Variants in FYN observed in about 807,000 individuals in gnomAD.
FYN encodes the protein FYN proto-oncogene, Src family tyrosine kinase.
In FYN, 10 loss-of-function variants were observed where a neutral mutation model predicts 70.2. The observed-to-expected ratio is 0.14, with a 90% CI of 0.09 to 0.24. FYN has a LOEUF of 0.24. Among genes scored for constraint, FYN ranks in the 10% least tolerant of loss-of-function variants. The pLI, the probability that FYN is intolerant of heterozygous loss-of-function variation, is 1.00. For missense variants in FYN, 319 were observed against 673.1 expected (o/e 0.47, Z 5.82); for synonymous variants, 236 against 248.6 (o/e 0.95, Z 0.48).
chr6:111,674,109 C>T lies in FYN; in HGVS notation c.1405+390G>A, dbSNP rs539098843. ...TCAGTGCTACAGTGTAATCAAAAAGCAGTGGGGCTTTTCTCCTTCTCTTTC... is the reference window on the plus strand; with the variant it reads ...TCAGTGCTACAGTGTAATCAAAAAGTAGTGGGGCTTTTCTCCTTCTCTTTC... On this transcript the variant is annotated intron_variant, in intron 13 of 13. Coordinates refer to ENST00000354650, the MANE Select transcript of FYN (RefSeq NM_002037.5). 2.0e-4 allele frequency among the ~76,000 whole-genome samples: 31 copies of T among 152,288 alleles called. No individual in the cohort carries two copies. The South Asian group carries it at 6.0e-3, about 30-fold the overall frequency.
At chr6:111,742,078 G>A (rs555975436) in intron 3 of FYN, among the ~76,000 whole-genome samples, 1 of 152,238 alleles carries the variant, frequency 6.6e-6, no homozygotes, top group South Asian at 2.1e-4. Context: ...GAAAAAGAAG[G>A]GAAGCAAACA....
At chr6:111,752,568 G>A (rs1802536319) in intron 3 of FYN, among the ~76,000 whole-genome samples, 1 of 152,216 alleles carries the variant, frequency 6.6e-6, no homozygotes, top group South Asian at 2.1e-4. Flanking sequence ...GGAAAAGCCA[G>A]GGCAAAGATG....
rs377710912 is a variant in FYN, at chr6:111,673,787, G to A, written c.1405+712C>T. On this transcript the variant is annotated intron_variant, in intron 13 of 13. Coordinates refer to ENST00000354650, the MANE Select transcript of FYN (RefSeq NM_002037.5). ...CTAAAGCGTGGAGGTGAAATGGCAT[G>A]GGTGTCCTTTATGTCACCATCTGTC... is the stretch of plus-strand genomic sequence containing the variant. Among the ~76,000 whole-genome samples, 4 of 152,128 alleles carry A rather than the reference G, an allele frequency of 2.6e-5. 1 individual carries two copies. The East Asian group carries it at 5.8e-4, about 22-fold the overall frequency.
chr6:111,777,564 C>A (rs546349885), intron 3 of FYN, among the ~76,000 whole-genome samples: 2 of 152,198 alleles, frequency 1.3e-5, no homozygotes, highest in East Asian at 3.9e-4. Context: ...GCCACTAGCA[C>A]ACACCCTCCT....
chr6:111,844,494 G>C (rs1407628824), intron 2 of FYN, among the ~76,000 whole-genome samples: 1 of 152,236 alleles, frequency 6.6e-6, no homozygotes, highest in East Asian at 1.9e-4. Context: ...AAAAGGTTCT[G>C]AAAGTGGAAC....
chr6:111,687,678 T>A (rs1799079845), intron 12 of FYN, among the ~76,000 whole-genome samples: 1 of 151,922 alleles, frequency 6.6e-6, no homozygotes, highest in African/African-American at 2.4e-5. Flanking sequence ...GCTATTGGCA[T>A]CCATTGGATC....
chr6:111,674,957 T>C (rs1798468377), intron 12 of FYN, among the ~76,000 whole-genome samples: 1 of 152,206 alleles, frequency 6.6e-6, no homozygotes, highest in Non-Finnish European at 1.5e-5. Flanking sequence ...GATTTAGTCA[T>C]AATGCTGCTC....
intron 12 of FYN, among the ~76,000 whole-genome samples, chr6:111,693,681 T>C (rs1474568993): frequency 6.6e-6 from 1 of 152,142 alleles, no homozygotes; most frequent in East Asian, 1.9e-4. Flanking sequence ...CGAGTAACTA[T>C]GCTGTTACCA....
At chr6:111,675,812 T>TAAA (rs1423785707) in intron 12 of FYN, among the ~76,000 whole-genome samples, 5 of 147,492 alleles carry the variant, frequency 3.4e-5, no homozygotes, top group African/African-American at 1.3e-4. Flanking sequence ...TGAAATAAAA[T>TAAA]AAAAATAAAT....
chr6:111,753,751 A>G (rs1410863216), intron 3 of FYN, among the ~76,000 whole-genome samples: 1 of 152,234 alleles, frequency 6.6e-6, no homozygotes, highest in Non-Finnish European at 1.5e-5. Flanking sequence ...ATTTAAGTCA[A>G]TTGTTTGACA....
chr6:111,836,490 C>T (rs549006843), intron 2 of FYN, among the ~76,000 whole-genome samples: 32 of 152,224 alleles, frequency 2.1e-4, no homozygotes, highest in African/African-American at 3.9e-4. Flanking sequence ...CTAGGCTGTG[C>T]GCGGTGGTTC....
intron 13 of FYN, among the ~76,000 whole-genome samples, chr6:111,664,792 G>A (rs913257900): frequency 3.3e-5 from 5 of 152,180 alleles, no homozygotes; most frequent in African/African-American, 1.2e-4. Flanking sequence ...AGCAAGGGGA[G>A]TATATGAAAA....
At chr6:111,865,451 C>T (rs1774078489) in intron 1 of FYN, among the ~76,000 whole-genome samples, 1 of 152,200 alleles carries the variant, frequency 6.6e-6, no homozygotes, top group Admixed American at 6.5e-5. Context: ...TTTCCTCCCA[C>T]GTTTTTATTA....
intron 1 of FYN, among the ~76,000 whole-genome samples, chr6:111,866,508 A>C (rs1380884940): frequency 1.3e-5 from 2 of 152,144 alleles, no homozygotes; most frequent in African/African-American, 4.8e-5. Context: ...CACCGGGCTA[A>C]TTTTTGTATT....
intron 2 of FYN, among the ~76,000 whole-genome samples, chr6:111,833,705 C>T (rs1043951246): frequency 2.0e-5 from 3 of 152,176 alleles, no homozygotes; most frequent in African/African-American, 7.2e-5. Context: ...CTTGCCCTTG[C>T]CTTAAAAGTT....
chr6:111,670,867 T>C (rs1029113188), intron 13 of FYN, among the ~76,000 whole-genome samples: 7 of 152,200 alleles, frequency 4.6e-5, no homozygotes, highest in Admixed American at 6.5e-5. Context: ...AATGCATAAC[T>C]GATTTTATGC....
chr6:111,788,965 C>T (rs988806936), intron 2 of FYN, among the ~76,000 whole-genome samples: 2 of 152,124 alleles, frequency 1.3e-5, no homozygotes, highest in Non-Finnish European at 2.9e-5. Context: ...TGGCTACACT[C>T]CAACAGGAGG....
At position 111,718,734 on chromosome 6, in the gene FYN, C is replaced by T. The variant is rs142881894; in HGVS notation, c.247+1071G>A. 1.2e-4 allele frequency among the ~76,000 whole-genome samples: 18 copies of T among 152,244 alleles called. No homozygotes were observed. In the East Asian group the frequency reaches 1.5e-3, roughly 13 times the overall value. ...GAAGGATGGGTAAAGGTACTTAGCA[C>T]GTATTCAACCCATGCAAGGCCTGGG... On this transcript the variant is annotated intron_variant, in intron 4 of 13. Transcript: ENST00000354650.
At chr6:111,747,579 A>G (rs1802284586) in intron 3 of FYN, among the ~76,000 whole-genome samples, 1 of 152,202 alleles carries the variant, frequency 6.6e-6, no homozygotes, top group Non-Finnish European at 1.5e-5. Context: ...GACATTATAC[A>G]CTGCCTGTCC....
Sources: gnomAD v4.1 joint callset for allele counts (sites outside exome capture counted in the v4.1 genomes callset) on GRCh38, gnomAD v4.1.1 for gene constraint, MANE v1.5 for transcripts, NCBI Gene and HGNC (gene_info 2026-07-23, HGNC 2026-07-21) for gene names.